Variants in BRPF3 observed in about 807,000 individuals in gnomAD.
BRPF3 encodes the protein bromodomain and PHD finger containing 3, also known as bromodomain and PHD finger-containing protein 3.
Under a neutral mutation model 102.0 loss-of-function variants are expected in BRPF3, and 18 were observed. The observed-to-expected ratio is 0.18, with a 90% CI of 0.12 to 0.26. The LOEUF (loss-of-function observed/expected upper bound fraction) is 0.26. Among genes scored for constraint, BRPF3 ranks in the 10% least tolerant of loss-of-function variants. The probability of loss-of-function intolerance (pLI) is 1.00; values close to 1 mark genes in which losing one functional copy is unlikely to be tolerated. For missense variants in BRPF3, 1,147 were observed against 1,567.8 expected (o/e 0.73, Z 4.53); for synonymous variants, 570 against 614.2 (o/e 0.93, Z 1.06).
intron 11 of BRPF3, 111 bp downstream of exon 11, chr6:36,225,475 A>G: frequency 9.4e-6 from 9 of 960,284 alleles, no homozygotes; most frequent in Non-Finnish European, 1.1e-5. Flanking sequence ...CTTTAGCTGT[A>G]GAGGGGAGGG....
intron 8 of BRPF3, among the ~76,000 whole-genome samples, chr6:36,214,726 C>G (rs913130925): frequency 6.6e-6 from 1 of 151,812 alleles, no homozygotes; most frequent in African/African-American, 2.4e-5. Context: ...GGGAAAAAAT[C>G]AATGAGCAAA....
chr6:36,221,063 G>T (rs1768518247), intron 9 of BRPF3, among the ~76,000 whole-genome samples: 2 of 152,006 alleles, frequency 1.3e-5, no homozygotes, highest in Admixed American at 1.3e-4. Context: ...TTGAAGTTTG[G>T]ATGGAAAAAA....
chr6:36,222,179 C>T lies in BRPF3; in HGVS notation c.3095C>T (p.Pro1032Leu). The T allele has an allele frequency of 1.3e-6, 2 of 1,550,316 alleles. No homozygotes were observed. Among genetic ancestry groups the T allele is most frequent in the Non-Finnish European group, 8.7e-7 (1 of 1,147,078 alleles). The change falls in exon 10 of 13, where the codon CCC (proline) becomes CTC (leucine). Residue 1032 changes from proline (P) to leucine (L), a missense_variant. Physicochemically the swap from Pro to Leu is moderately conservative, Grantham distance 98 (BLOSUM62 -3). Around this residue, in one of 11 missense-constraint regions of BRPF3, gnomAD observed 379 missense variants for 426.3 expected, o/e 0.89. Transcript: ENST00000357641. ...LAFEACSGLT[P>L]PKRSRGKPAL... ...TGCTCTGTGTGCAGTGGTCTGACGC[C>T]CCCCAAACGCAGCCGTGGGAAGCCA...
At chr6:36,223,236 A>G (rs73415506) in intron 10 of BRPF3, among the ~76,000 whole-genome samples, 364 of 152,156 alleles carry the variant, frequency 2.4e-3, no homozygotes, top group African/African-American at 8.6e-3. Flanking sequence ...TCGTTCCTTT[A>G]CCCAACTGCT....
intron 8 of BRPF3, among the ~76,000 whole-genome samples, chr6:36,217,652 G>C (rs1426776727): frequency 6.6e-6 from 1 of 152,236 alleles, no homozygotes; most frequent in East Asian, 1.9e-4. Flanking sequence ...TGAGTGAGCT[G>C]TGTGCTATGG....
chr6:36,229,033 C>T lies in BRPF3; in HGVS notation c.3411C>T (p.Leu1137=). 1 of 1,614,186 alleles carries T rather than the reference C, an allele frequency of 6.2e-7. No homozygotes were observed. Among genetic ancestry groups the T allele is most frequent in the Admixed American group, 1.7e-5 (1 of 60,034 alleles). The change falls in exon 12 of 13, where the codon CTC becomes CTT. Residue 1137 remains leucine (L), a synonymous_variant. Transcript: ENST00000357641. ...AEAGEKLFLV[L]FFDNKRTWQW... The stretch of plus-strand genomic sequence containing the variant: ...CTGGAGAGAAGCTCTTCCTTGTCCT[C>T]TTCTTTGACAACAAGCGCACCTGGT...
intron 11 of BRPF3, among the ~76,000 whole-genome samples, chr6:36,225,587 T>G (rs756319801): frequency 1.6e-4 from 25 of 151,834 alleles, no homozygotes; most frequent in Non-Finnish European, 3.5e-4. Context: ...GTTCTTAGAG[T>G]TTTAATAGCA....
intron 3 of BRPF3, among the ~76,000 whole-genome samples, chr6:36,205,079 T>C (rs929520246): frequency 6.6e-6 from 1 of 152,192 alleles, no homozygotes; most frequent in African/African-American, 2.4e-5. Context: ...GGGAAAATCC[T>C]CTAGATGTAG....
At position 36,214,059 on chromosome 6, in the gene BRPF3, C is replaced by G; in HGVS notation, c.2662C>G (p.Leu888Val). The G allele has an allele frequency of 1.2e-6, 2 of 1,614,178 alleles. No individual in the cohort carries two copies. Among genetic ancestry groups the G allele is most frequent in the East Asian group, 4.5e-5 (2 of 44,876 alleles). The change falls in exon 8 of 13, where the codon CTG (leucine) becomes GTG (valine). Residue 888 changes from leucine (L) to valine (V), a missense_variant. Physicochemically the swap from Leu to Val is conservative, Grantham distance 32 (BLOSUM62 1). Coordinates refer to ENST00000357641, the MANE Select transcript of BRPF3 (RefSeq NM_015695.3). ...AGATGAGCTCTTGGAAAAATCACCA[C>G]TGCAGCTAGGGAATGAGCCTTTGCA... Reference protein sequence around the residue: ...EEDELLEKSPLQLGNEPLQRL... With the variant: ...EEDELLEKSPVQLGNEPLQRL...
At chr6:36,228,081 G>A (rs1024877197) in intron 11 of BRPF3, among the ~76,000 whole-genome samples, 1 of 152,190 alleles carries the variant, frequency 6.6e-6, no homozygotes, top group Non-Finnish European at 1.5e-5. Flanking sequence ...GCCTTGTTTG[G>A]TTTTAGTACC....
In BRPF3 at chr6:36,231,820, CTG is replaced by C. The variant is rs1221913494; in HGVS notation, c.*1214_*1215del. On this transcript the variant is annotated 3_prime_UTR_variant, in exon 13 of 13. Coordinates refer to ENST00000357641, the MANE Select transcript of BRPF3 (RefSeq NM_015695.3). ...TCTCAAAAATGGAAGGAAAAAAAAA[CTG>C]TGAATGGGGAATGCTGACTGACAAA... 3.3e-5 allele frequency: 5 copies of C among 152,558 alleles called. No individual in the cohort carries two copies. Among genetic ancestry groups the C allele is most frequent in the African/African-American group, 7.2e-5 (3 of 41,424 alleles). 9.5% of individuals were successfully genotyped at this position (152,558 alleles called of 1,614,324 possible).
chr6:36,229,159 T>A, intron 12 of BRPF3, 103 bp downstream of exon 12: 1 of 1,422,382 alleles, frequency 7.0e-7, no homozygotes, highest in Non-Finnish European at 9.5e-7. Flanking sequence ...TGTTACCAGT[T>A]ACCCTGGTCT....
intron 11 of BRPF3, 118 bp downstream of exon 11, chr6:36,225,482 A>AG: frequency 1.2e-6 from 1 of 821,258 alleles, no homozygotes; most frequent in Non-Finnish European, 1.8e-6. Context: ...TGTAGAGGGG[A>AG]GGGGGGTTTT....
chr6:36,199,365 A>G (rs1003374652), intron 1 of BRPF3, among the ~76,000 whole-genome samples: 1 of 152,114 alleles, frequency 6.6e-6, no homozygotes, highest in African/African-American at 2.4e-5. Flanking sequence ...TCTGTGGAAA[A>G]ATTGTCTTCC....
chr6:36,200,776 G>A lies in BRPF3; in HGVS notation c.454G>A (p.Val152Ile), dbSNP rs537929575. 49 of 1,614,206 alleles carry A rather than the reference G, an allele frequency of 3.0e-5. 1 individual carries two copies. The South Asian group carries it at 3.1e-4, about 10-fold the overall frequency. The change falls in exon 2 of 13, where the codon GTA becomes ATA. Residue 152 changes from valine to isoleucine, a missense_variant. Physicochemically the swap from Val to Ile is conservative, Grantham distance 29. Transcript: ENST00000357641. The surrounding 1 kb of genome is among the most constrained non-coding windows in gnomAD (Gnocchi z 5.3). Reference sequence around the variant, plus strand: ...GCCACCTGAAGACCTGGATGCAGAGGTAGAGTATGACATGGATGAGGAGGA... The same window carrying A: ...GCCACCTGAAGACCTGGATGCAGAGATAGAGTATGACATGGATGAGGAGGA... ...EKPPEDLDAE[V>I]EYDMDEEDLA...
intron 7 of BRPF3, among the ~76,000 whole-genome samples, chr6:36,212,545 T>C (rs1463826059): frequency 7.3e-6 from 1 of 136,962 alleles, no homozygotes; most frequent in Non-Finnish European, 1.5e-5. Flanking sequence ...TACAGAGTTG[T>C]GCCCAGTAGG....
At chr6:36,220,895 C>T (rs1407806579) in intron 9 of BRPF3, among the ~76,000 whole-genome samples, 1 of 152,130 alleles carries the variant, frequency 6.6e-6, no homozygotes, top group Non-Finnish European at 1.5e-5. Flanking sequence ...TTCAGTAAAA[C>T]GGGAGTACCC....
intron 7 of BRPF3, among the ~76,000 whole-genome samples, chr6:36,213,416 G>A (rs2127288202): frequency 6.6e-6 from 1 of 152,138 alleles, no homozygotes; most frequent in East Asian, 1.9e-4. Context: ...TCCTGGGGAT[G>A]GGTACAGTGG....
In BRPF3 at chr6:36,231,971, C is replaced by T. The variant is rs1026159392; in HGVS notation, c.*1362C>T. On this transcript the variant is annotated 3_prime_UTR_variant, in exon 13 of 13. Coordinates refer to ENST00000357641, the MANE Select transcript of BRPF3 (RefSeq NM_015695.3). ...CCATGTTGATTTTTAACCTGATATT[C>T]TTTTTAATTGTTTTAAATTTTTCAT... 6.6e-6 allele frequency: 1 copy of T among 152,560 alleles called. No homozygotes were observed. The allele number at this position is 152,560 out of a possible 1,614,324, so 9.5% of individuals were successfully genotyped here. A position where few individuals can be genotyped will look rare whatever the true frequency, so the allele number is the denominator to read the frequency against.
Sources: allele counts gnomAD v4.1 joint callset (sites outside exome capture counted in the v4.1 genomes callset), GRCh38; gene constraint gnomAD v4.1.1; regional missense constraint gnomAD v4.1.1; non-coding constraint Gnocchi (gnomAD v3.1); transcripts MANE v1.5; gene names NCBI Gene and HGNC (gene_info 2026-07-23, HGNC 2026-07-21).